The following DCHS2 variants were observed in gnomAD, a reference collection of about 807,000 sequenced individuals.
The protein encoded by DCHS2 is dachsous cadherin-related 2.
Under a neutral mutation model 182.4 loss-of-function variants are expected in DCHS2, and 142 were observed. That is an observed-to-expected ratio of 0.78 (90% confidence interval 0.68 to 0.89). DCHS2 has a LOEUF of 0.89. Ranked by LOEUF, DCHS2 falls within the 40% of genes least tolerant of loss-of-function variation. The pLI is 0.00. For missense variants in DCHS2, 4,319 were observed against 4,198.6 expected (o/e 1.03, Z -0.79); for synonymous variants, 1,740 against 1,663.3 (o/e 1.05, Z -1.12).
At chr4:154,387,353 G>T (rs1164912586) in intron 1 of DCHS2, among the ~76,000 whole-genome samples, 2 of 152,126 alleles carry the variant, frequency 1.3e-5, no homozygotes, top group African/African-American at 4.8e-5. Flanking sequence ...TCTAATAAAA[G>T]AATTGGCAGG....
intron 7 of DCHS2, among the ~76,000 whole-genome samples, chr4:154,325,115 A>T (rs1466764438): frequency 2.6e-5 from 4 of 152,026 alleles, no homozygotes; most frequent in Non-Finnish European, 5.9e-5. Flanking sequence ...TATTTTTTCA[A>T]TTTTTTCCAA....
At chr4:154,481,677 G>C (rs1735926742) in intron 1 of DCHS2, among the ~76,000 whole-genome samples, 1 of 152,130 alleles carries the variant, frequency 6.6e-6, no homozygotes, top group Non-Finnish European at 1.5e-5. Context: ...CTGTGTCCTG[G>C]ATATGCATCA....
rs1473162489 is a variant in DCHS2 at position 154,235,480 on chromosome 4, AGTC to A, written c.9169_9171del (p.Asp3057del). Reference sequence around the variant, plus strand: ...TCCACAGGGACCACCTCGTTACTGCAGTCGTCAGTTTTCTGGAAGGCTTTGAGC... The same window carrying A: ...TCCACAGGGACCACCTCGTTACTGCAGTCAGTTTTCTGGAAGGCTTTGAGC... On this transcript the variant is annotated inframe_deletion, in exon 20 of 20. Coordinates refer to ENST00000357232, the MANE Select transcript of DCHS2 (RefSeq NM_001358235.2). 6.2e-7 allele frequency: 1 copy of A among 1,614,016 alleles called. No individual in the cohort carries two copies. Among genetic ancestry groups the A allele is most frequent in the African/African-American group, 1.3e-5 (1 of 75,026 alleles).
intron 1 of DCHS2, among the ~76,000 whole-genome samples, chr4:154,387,185 A>G (rs993190525): frequency 6.6e-5 from 10 of 152,204 alleles, no homozygotes; most frequent in Non-Finnish European, 1.5e-4. Context: ...GAATGAGTTT[A>G]AGCAACCACG....
intron 6 of DCHS2, among the ~76,000 whole-genome samples, chr4:154,328,806 T>A (rs1249839772): frequency 6.6e-6 from 1 of 152,214 alleles, no homozygotes; most frequent in Admixed American, 6.5e-5. Flanking sequence ...CAGTTTAAAG[T>A]TATGAGTTCC....
At chr4:154,337,608 C>A (rs1728871324) in intron 3 of DCHS2, among the ~76,000 whole-genome samples, 1 of 152,128 alleles carries the variant, frequency 6.6e-6, no homozygotes, top group Non-Finnish European at 1.5e-5. Flanking sequence ...GTACCTTTTG[C>A]TCTAGGCAAA....
intron 5 of DCHS2, chr4:154,331,658 C>T: frequency 1.2e-6 from 2 of 1,613,976 alleles, no homozygotes; most frequent in South Asian, 1.1e-5. Context: ...AAGTCTGTCC[C>T]ACTAAAGGCA....
intron 1 of DCHS2, among the ~76,000 whole-genome samples, chr4:154,457,121 C>A (rs1388850830): frequency 6.6e-6 from 1 of 152,050 alleles, no homozygotes; most frequent in African/African-American, 2.4e-5. Flanking sequence ...TTATGTTGTG[C>A]TTTACATAAG....
At chr4:154,392,515 G>A (rs1239065913) in intron 1 of DCHS2, among the ~76,000 whole-genome samples, 1 of 152,164 alleles carries the variant, frequency 6.6e-6, no homozygotes, top group Non-Finnish European at 1.5e-5. Context: ...TTCCAATATG[G>A]ACTGTGACTG....
chr4:154,239,135 A>G (rs2111097288), intron 19 of DCHS2, 35 bp downstream of exon 19: 1 of 1,587,058 alleles, frequency 6.3e-7, no homozygotes, highest in South Asian at 1.1e-5. Flanking sequence ...TGAAACCCAA[A>G]CCTATGAGCA....
At chr4:154,412,894 T>G (rs1732687747) in intron 1 of DCHS2, among the ~76,000 whole-genome samples, 1 of 152,216 alleles carries the variant, frequency 6.6e-6, no homozygotes, top group Non-Finnish European at 1.5e-5. Context: ...TACTGCTTAC[T>G]TATTGCAACT....
At position 154,315,945 on chromosome 4, in the gene DCHS2, G is replaced by A. The variant is rs1301198583; in HGVS notation, c.5063C>T (p.Thr1688Ile). 2.5e-6 allele frequency: 4 copies of A among 1,614,000 alleles called. No homozygotes were observed. The highest frequency in any genetic ancestry group is 1.3e-5 in the African/African-American group (1 of 75,022). The change falls in exon 10 of 20, where the codon ACT becomes ATT. Residue 1688 changes from threonine to isoleucine, a missense_variant. By Grantham distance (89) the Thr-to-Ile change is moderately conservative. Coordinates refer to ENST00000357232, the MANE Select transcript of DCHS2 (RefSeq NM_001358235.2). ...TTCPLDYEMK[T>I]QHILTVLALD... Reference sequence around the variant, plus strand: ...TGCCAGAACAGTCAGAATATGCTGAGTTTTCATTTCATAATCCAAAGGACA... The same window carrying A: ...TGCCAGAACAGTCAGAATATGCTGAATTTTCATTTCATAATCCAAAGGACA...
intron 1 of DCHS2, among the ~76,000 whole-genome samples, chr4:154,440,008 C>G (rs938590021): frequency 6.6e-6 from 1 of 152,154 alleles, no homozygotes; most frequent in Non-Finnish European, 1.5e-5. Context: ...TTTGCAAACT[C>G]CTTGGTCCAA....
At chr4:154,426,376 A>T (rs1373537679) in intron 1 of DCHS2, among the ~76,000 whole-genome samples, 1 of 152,178 alleles carries the variant, frequency 6.6e-6, no homozygotes, top group Non-Finnish European at 1.5e-5. Flanking sequence ...AGATTCTTTA[A>T]AGTCACCTGT....
At chr4:154,366,533 C>A (rs1037970274) in intron 2 of DCHS2, 92 bp from the exon 3 acceptor site, 9 of 853,308 alleles carry the variant, frequency 1.1e-5, no homozygotes, top group African/African-American at 8.4e-5. Context: ...AGTCTTGAAA[C>A]AACAGAATTT....
intron 16 of DCHS2, among the ~76,000 whole-genome samples, chr4:154,254,556 G>T (rs1238905635): frequency 1.3e-5 from 2 of 152,176 alleles, no homozygotes; most frequent in Admixed American, 6.5e-5. Context: ...TGTTTTGCTG[G>T]CTGGGCGCAG....
chr4:154,356,198 C>T (rs1190858680), intron 3 of DCHS2, among the ~76,000 whole-genome samples: 28 of 151,838 alleles, frequency 1.8e-4, no homozygotes, highest in Admixed American at 1.7e-3. Context: ...GTTTGTGTCT[C>T]ATTTTTAATT....
intron 1 of DCHS2, among the ~76,000 whole-genome samples, chr4:154,393,957 C>T (rs1731820813): frequency 6.6e-6 from 1 of 152,098 alleles, no homozygotes. Context: ...CAGACACATC[C>T]ATACGCAAGA....
At position 154,236,465 on chromosome 4, in the gene DCHS2, A is replaced by G. The variant is rs1317595647; in HGVS notation, c.8187T>C (p.Asp2729=). 1 of 1,613,998 alleles carries G rather than the reference A, an allele frequency of 6.2e-7. No individual in the cohort carries two copies. Among genetic ancestry groups the G allele is most frequent in the Admixed American group, 1.7e-5 (1 of 60,012 alleles). ...TGVLYLIKPL[D]YEKMTKFTLT... ...AGGTGAATTTTGTCATTTTTTCATA[A>G]TCCAGAGGTTTAATCAAATAAAGAA... The change falls in exon 20 of 20, where the codon GAT becomes GAC. Residue 2729 remains aspartate (D), a synonymous_variant. Coordinates refer to ENST00000357232, the MANE Select transcript of DCHS2 (RefSeq NM_001358235.2).
Sources: allele counts gnomAD v4.1 joint callset (sites outside exome capture counted in the v4.1 genomes callset), GRCh38; gene constraint gnomAD v4.1.1; transcripts MANE v1.5; gene names NCBI Gene and HGNC (gene_info 2026-07-23, HGNC 2026-07-21).